The following ATP1B3 variants were observed in gnomAD, a reference collection of about 807,000 sequenced individuals.
The protein encoded by ATP1B3 is sodium/potassium-transporting ATPase subunit beta-3.
In ATP1B3, 10 loss-of-function variants were observed where a neutral mutation model predicts 30.2. The ratio of observed to expected loss-of-function variants is 0.33; its 90% confidence interval spans 0.20 to 0.56. ATP1B3 has a LOEUF of 0.56. Ranked by LOEUF, ATP1B3 falls within the 20% of genes least tolerant of loss-of-function variation. ATP1B3 has a pLI of 0.90. For synonymous variants in ATP1B3, 113 were observed against 117.0 expected (o/e 0.97, Z 0.22); for missense variants, 238 against 336.7 (o/e 0.71, Z 2.29).
At chr3:141,911,527 C>T (rs189151942) in intron 3 of ATP1B3, among the ~76,000 whole-genome samples, 3 of 145,654 alleles carry the variant, frequency 2.1e-5, no homozygotes, top group Admixed American at 1.4e-4. Context: ...GACAGTCTTA[C>T]TCTGTTGCCC....
chr3:141,906,121 A>G (rs1934261495), intron 2 of ATP1B3, among the ~76,000 whole-genome samples: 1 of 151,910 alleles, frequency 6.6e-6, no homozygotes, highest in Non-Finnish European at 1.5e-5. Context: ...TTTGAAGGCT[A>G]GAGAAAATTT....
At chr3:141,885,157 C>G (rs901502812) in intron 1 of ATP1B3, among the ~76,000 whole-genome samples, 2 of 152,170 alleles carry the variant, frequency 1.3e-5, no homozygotes, top group Admixed American at 1.3e-4. Flanking sequence ...CCAGACTTAG[C>G]CAAATTGTGC....
chr3:141,923,398 G>A (rs1286439777), intron 6 of ATP1B3, among the ~76,000 whole-genome samples: 4 of 152,186 alleles, frequency 2.6e-5, no homozygotes, highest in South Asian at 2.1e-4. Context: ...CCCTGGCCAC[G>A]TGATGCCTTG....
intron 5 of ATP1B3, chr3:141,919,129 A>G (rs1430987686): frequency 2.0e-5 from 3 of 152,230 alleles, no homozygotes; most frequent in Admixed American, 6.5e-5. Context: ...AGATTTGTCT[A>G]TGTCAAGCGT....
intron 6 of ATP1B3, among the ~76,000 whole-genome samples, chr3:141,924,275 C>G (rs546439174): frequency 1.4e-5 from 2 of 146,688 alleles, no homozygotes; most frequent in South Asian, 4.4e-4. Flanking sequence ...ACCAGGAAGG[C>G]AGAGGTTGCA....
chr3:141,877,561 A>T (rs1362816378), intron 1 of ATP1B3: 1 of 152,242 alleles, frequency 6.6e-6, no homozygotes, highest in Non-Finnish European at 1.5e-5. Flanking sequence ...GCCCTTAAAA[A>T]GGTTGGTTCC....
chr3:141,916,963 C>T (rs375670907), intron 5 of ATP1B3, among the ~76,000 whole-genome samples: 17 of 151,624 alleles, frequency 1.1e-4, no homozygotes, highest in South Asian at 1.0e-3. Flanking sequence ...CGGGTTCACG[C>T]GGTTCTCCTG....
chr3:141,903,701 C>G lies in ATP1B3; in HGVS notation c.191C>G (p.Thr64Ser), dbSNP rs761228392. ...FSFTMWVMLQ[T>S]LNDEVPKYRD... ...TTCACGATGTGGGTTATGCTTCAGA[C>G]TCTCAACGATGAGGTTCCAAAATAC... The change falls in exon 2 of 7, where the codon ACT (threonine) becomes AGT (serine). Residue 64 changes from threonine (T) to serine (S), a missense_variant. Coordinates refer to ENST00000286371, the MANE Select transcript of ATP1B3 (RefSeq NM_001679.4). The G allele has an allele frequency of 2.5e-6, 4 of 1,614,150 alleles. No individual in the cohort carries two copies. Among genetic ancestry groups the G allele is most frequent in the African/African-American group, 2.7e-5 (2 of 75,052 alleles).
chr3:141,910,078 C>T (rs1316886690), intron 3 of ATP1B3, among the ~76,000 whole-genome samples: 1 of 152,158 alleles, frequency 6.6e-6, no homozygotes, highest in Non-Finnish European at 1.5e-5. Flanking sequence ...CTCAAGTGAT[C>T]CTCCTGCCTC....
In ATP1B3 at chr3:141,889,887, CA is replaced by C. The variant is rs111317525; in HGVS notation, c.109+12978del. On this transcript the variant is annotated intron_variant, in intron 1 of 6. Coordinates refer to ENST00000286371, the MANE Select transcript of ATP1B3 (RefSeq NM_001679.4). ...CTGTACCAGTTTATACTCCCACCAG[CA>C]GTGGATAAAAGTACCTTTTCTCCTC... 6.7e-3 allele frequency among the ~76,000 whole-genome samples: 1,011 copies of C among 150,342 alleles called. 11 individuals are homozygous for C. Among genetic ancestry groups the C allele is most frequent in the African/African-American group, 0.023 (953 of 40,952 alleles).
At chr3:141,899,608 G>A (rs1017284144) in intron 1 of ATP1B3, among the ~76,000 whole-genome samples, 2 of 152,192 alleles carry the variant, frequency 1.3e-5, no homozygotes, top group African/African-American at 4.8e-5. Context: ...AGTGGCTCAC[G>A]CCTGTAATCC....
At chr3:141,907,354 T>C in intron 3 of ATP1B3, 80 bp downstream of exon 3, 4 of 1,161,958 alleles carry the variant, frequency 3.4e-6, no homozygotes, top group Non-Finnish European at 2.5e-6. Flanking sequence ...GCACGGTAGC[T>C]CACGCCTGTA....
intron 1 of ATP1B3, among the ~76,000 whole-genome samples, chr3:141,892,637 C>T (rs531025393): frequency 1.2e-3 from 122 of 105,458 alleles, no homozygotes; most frequent in African/African-American, 4.8e-3. Context: ...GCCTGGGTGA[C>T]AGTGAGACTG....
chr3:141,898,074 A>AC (rs1203348367), intron 1 of ATP1B3, among the ~76,000 whole-genome samples: 2 of 152,134 alleles, frequency 1.3e-5, no homozygotes, highest in African/African-American at 4.8e-5. Context: ...ATGTAGGTGG[A>AC]CCCCTACCTC....
At chr3:141,878,880 G>GAGTC (rs1237398874) in intron 1 of ATP1B3, among the ~76,000 whole-genome samples, 1 of 152,194 alleles carries the variant, frequency 6.6e-6, no homozygotes, top group Admixed American at 6.5e-5. Flanking sequence ...ATATGTGAGG[G>GAGTC]AGTCGTGAGA....
intron 5 of ATP1B3, among the ~76,000 whole-genome samples, chr3:141,918,025 C>T (rs1934500751): frequency 6.6e-6 from 1 of 152,074 alleles, no homozygotes; most frequent in Non-Finnish European, 1.5e-5. Flanking sequence ...GCCTCAGCCT[C>T]CCAAAGTGCT....
At chr3:141,896,321 A>G (rs1169052326) in intron 1 of ATP1B3, among the ~76,000 whole-genome samples, 7 of 151,910 alleles carry the variant, frequency 4.6e-5, no homozygotes, top group Non-Finnish European at 8.8e-5. Context: ...TTACAAAAAA[A>G]AAAAATTTTC....
At chr3:141,893,532 T>C (rs1051558154) in intron 1 of ATP1B3, among the ~76,000 whole-genome samples, 3 of 152,188 alleles carry the variant, frequency 2.0e-5, no homozygotes. Flanking sequence ...GTTAGCCCAC[T>C]GTCATAGAAT....
chr3:141,919,894 G>T (rs144501636), intron 5 of ATP1B3, among the ~76,000 whole-genome samples: 1 of 151,768 alleles, frequency 6.6e-6, no homozygotes, highest in African/African-American at 2.4e-5. Context: ...AGCCATGATC[G>T]CGCCACTCCA....
Sources: allele counts gnomAD v4.1 joint callset (sites outside exome capture counted in the v4.1 genomes callset), GRCh38; gene constraint gnomAD v4.1.1; transcripts MANE v1.5; gene names NCBI Gene and HGNC (gene_info 2026-07-23, HGNC 2026-07-21).